The following TNIK variants were observed in gnomAD, a reference collection of about 807,000 sequenced individuals.
The protein encoded by TNIK is TRAF2 and NCK interacting kinase, also known as TRAF2 and NCK-interacting protein kinase.
A neutral mutation model predicts 191.3 loss-of-function variants in TNIK; 49 were observed. The observed-to-expected ratio is 0.26, with a 90% CI of 0.20 to 0.32. The LOEUF (loss-of-function observed/expected upper bound fraction) is 0.32. Ranked by LOEUF, TNIK falls within the 10% of genes least tolerant of loss-of-function variation. The pLI is 1.00. For synonymous variants in TNIK, 594 were observed against 600.9 expected (o/e 0.99, Z 0.17); for missense variants, 1,155 against 1,702.3 (o/e 0.68, Z 5.66).
At chr3:171,183,671 C>T (rs982917714) in intron 7 of TNIK, among the ~76,000 whole-genome samples, 2 of 152,006 alleles carry the variant, frequency 1.3e-5, no homozygotes, top group African/African-American at 4.8e-5. Flanking sequence ...GCTTGTAATC[C>T]CAGCACTTTG....
At chr3:171,272,988 C>T (rs1035511079) in intron 2 of TNIK, among the ~76,000 whole-genome samples, 14 of 152,206 alleles carry the variant, frequency 9.2e-5, no homozygotes, top group Admixed American at 5.9e-4. Flanking sequence ...GGAACACCTT[C>T]AACAGCCCAA....
At chr3:171,424,043 G>A (rs1724201564) in intron 1 of TNIK, among the ~76,000 whole-genome samples, 1 of 152,132 alleles carries the variant, frequency 6.6e-6, no homozygotes, top group Admixed American at 6.5e-5. Context: ...AGAGTGAACA[G>A]GCAACCTATA....
intron 15 of TNIK, among the ~76,000 whole-genome samples, chr3:171,129,317 G>A (rs1028836387): frequency 6.6e-6 from 1 of 152,212 alleles, no homozygotes; most frequent in East Asian, 1.9e-4. Flanking sequence ...GAACATGAGA[G>A]GAAGAACAAG....
Position 171,093,964 on chromosome 3 carries a change from T to C in TNIK, c.2596A>G (p.Thr866Ala). 3 of 1,613,008 alleles carry C rather than the reference T, an allele frequency of 1.9e-6. No homozygotes were observed. Among genetic ancestry groups the C allele is most frequent in the Admixed American group, 1.7e-5 (1 of 59,872 alleles). Residue 866 changes from threonine (T) to alanine (A), a missense_variant, in exon 23 of 33, where the codon ACA (threonine) becomes GCA (alanine). Thr to Ala is a moderately conservative substitution (Grantham distance 58). This residue lies in a region of TNIK where 735 missense variants were observed against 848.0 expected (regional missense o/e 0.87). Coordinates refer to ENST00000436636, the MANE Select transcript of TNIK (RefSeq NM_015028.4). ...TGCTCGTTGCTGCCTGGAGCTCCTG[T>C]TGGTCTGAGATGAGAAGGAACAACA... ...AVSDIPRLIP[T>A]GAPGSNEQYN... is the part of the protein sequence containing the mutation.
At chr3:171,126,955 C>G (rs1372465008) in intron 16 of TNIK, among the ~76,000 whole-genome samples, 1 of 152,208 alleles carries the variant, frequency 6.6e-6, no homozygotes, top group African/African-American at 2.4e-5. Flanking sequence ...CACCACTTTG[C>G]CATAGCACTG....
chr3:171,239,830 T>TG (rs1306337979), intron 2 of TNIK, among the ~76,000 whole-genome samples: 1 of 152,142 alleles, frequency 6.6e-6, no homozygotes, highest in East Asian at 1.9e-4. Flanking sequence ...GGAAGCTAGT[T>TG]GCTGGGAGTA....
At chr3:171,437,145 A>C (rs1726129696) in intron 1 of TNIK, among the ~76,000 whole-genome samples, 1 of 152,240 alleles carries the variant, frequency 6.6e-6, no homozygotes, top group Non-Finnish European at 1.5e-5. Flanking sequence ...GATTCTATCC[A>C]GTGAAGTCAT....
At chr3:171,247,955 A>C (rs531006865) in intron 2 of TNIK, among the ~76,000 whole-genome samples, 1 of 152,314 alleles carries the variant, frequency 6.6e-6, no homozygotes, top group African/African-American at 2.4e-5. Context: ...AAAAGAGATG[A>C]AACTAGTCCT....
chr3:171,086,343 T>A (rs1560089453), intron 24 of TNIK, among the ~76,000 whole-genome samples: 1 of 152,198 alleles, frequency 6.6e-6, no homozygotes. Context: ...GTACATGTTC[T>A]CTTTTGATCT....
chr3:171,338,799 G>T (rs761334704), intron 2 of TNIK, among the ~76,000 whole-genome samples: 1 of 151,774 alleles, frequency 6.6e-6, no homozygotes, highest in Admixed American at 6.6e-5. Context: ...CACCATGCCC[G>T]GCCCTAAGTG....
In TNIK at chr3:171,392,791, A is replaced by AAAAG. The variant is rs1553768387; in HGVS notation, c.58-23107_58-23106insCTTT. ...GAGATTCTGTCTCAAAAAAAAAAAA[A>AAAAG]AAAAGAAAAGAAAGAAAGAAAATAC... On this transcript the variant is annotated intron_variant, in intron 1 of 32. Coordinates refer to ENST00000436636, the MANE Select transcript of TNIK (RefSeq NM_015028.4). 6.2e-4 allele frequency among the ~76,000 whole-genome samples: 94 copies of AAAAG among 151,258 alleles called. No homozygotes were observed. The East Asian group carries it at 8.5e-3, about 14-fold the overall frequency.
intron 32 of TNIK, among the ~76,000 whole-genome samples, chr3:171,064,624 C>T: frequency 6.6e-6 from 1 of 152,120 alleles, no homozygotes; most frequent in East Asian, 1.9e-4. Context: ...AACCACAGTC[C>T]ATTAGGTCTG....
intron 1 of TNIK, among the ~76,000 whole-genome samples, chr3:171,453,912 A>G (rs1728492591): frequency 6.6e-6 from 1 of 152,260 alleles, no homozygotes; most frequent in African/African-American, 2.4e-5. Flanking sequence ...GCTTCCAACC[A>G]GACTGGAAGG....
At chr3:171,276,862 T>C (rs77815117) in intron 2 of TNIK, among the ~76,000 whole-genome samples, 9,077 of 152,300 alleles carry the variant, frequency 0.06, 315 homozygotes, top group Middle Eastern at 0.12. Flanking sequence ...AATTATATCA[T>C]GTGTTCGGAG....
At chr3:171,267,125 G>A (rs1008581010) in intron 2 of TNIK, among the ~76,000 whole-genome samples, 4 of 152,156 alleles carry the variant, frequency 2.6e-5, no homozygotes, top group Non-Finnish European at 5.9e-5. Context: ...TATTCAGAAT[G>A]TAAATTACAG....
At chr3:171,219,206 C>T (rs1003990241) in intron 3 of TNIK, among the ~76,000 whole-genome samples, 2 of 118,462 alleles carry the variant, frequency 1.7e-5, no homozygotes, top group Non-Finnish European at 3.3e-5. Flanking sequence ...ACCCAGCAAA[C>T]CCATTACTAA....
At chr3:171,220,114 C>T (rs185341170) in intron 3 of TNIK, among the ~76,000 whole-genome samples, 206 of 152,218 alleles carry the variant, frequency 1.4e-3, no homozygotes, top group Non-Finnish European at 2.2e-3. Context: ...AAGCTGGAAA[C>T]CATCATTCTC....
intron 15 of TNIK, among the ~76,000 whole-genome samples, chr3:171,132,163 T>A (rs1729395298): frequency 6.6e-6 from 1 of 152,136 alleles, no homozygotes; most frequent in Non-Finnish European, 1.5e-5. Context: ...TACCATCAGG[T>A]ATGGAGTGTG....
chr3:171,413,957 T>C lies in TNIK; in HGVS notation c.58-44272A>G, dbSNP rs545054028. On this transcript the variant is annotated intron_variant, in intron 1 of 32. Coordinates refer to ENST00000436636, the MANE Select transcript of TNIK (RefSeq NM_015028.4). The stretch of plus-strand genomic sequence containing the variant: ...CTGGTAATATATAAGTGCTCAATAA[T>C]GTCAGCTATAATTATTATCACTACC... 1.9e-4 allele frequency among the ~76,000 whole-genome samples: 29 copies of C among 152,324 alleles called. 1 individual carries two copies. In the South Asian group the frequency reaches 5.4e-3, roughly 28 times the overall value.
Sources: gnomAD v4.1 joint callset for allele counts (sites outside exome capture counted in the v4.1 genomes callset) on GRCh38, gnomAD v4.1.1 for gene constraint, gnomAD v4.1.1 regional missense constraint, MANE v1.5 for transcripts, NCBI Gene and HGNC (gene_info 2026-07-23, HGNC 2026-07-21) for gene names.